RECQL5: variants seen among roughly 807,000 people sequenced by gnomAD.
RECQL5 encodes RecQ like helicase 5.
RECQL5 carries 88 observed loss-of-function variants against 103.4 expected under a neutral mutation model. The observed-to-expected ratio is 0.85, with a 90% CI of 0.72 to 1.02. The LOEUF is 1.02. RECQL5 is among the 50% of genes least tolerant of loss of function. The pLI is 0.00. For missense variants in RECQL5, 1,232 were observed against 1,284.3 expected (o/e 0.96, Z 0.62); for synonymous variants, 552 against 507.9 (o/e 1.09, Z -1.17).
chr17:75,649,727 C>T (rs1024033824), intron 8 of RECQL5: 5 of 985,492 alleles, frequency 5.1e-6, no homozygotes, highest in South Asian at 4.7e-5. Context: ...ATACCAGCAG[C>T]GTTTATTCCA....
intron 3 of RECQL5, among the ~76,000 whole-genome samples, chr17:75,663,815 G>A (rs1599062704): frequency 1.3e-5 from 2 of 152,136 alleles, no homozygotes; most frequent in South Asian, 2.1e-4. Flanking sequence ...AGCGCTTTGA[G>A]AGGCTGAGGC....
intron 8 of RECQL5, chr17:75,647,745 G>A (rs1405660634): frequency 4.8e-6 from 3 of 628,028 alleles, no homozygotes; most frequent in Middle Eastern, 4.4e-4. Flanking sequence ...AGACTAGTAA[G>A]ATGGGGAGGC....
intron 2 of RECQL5, 113 bp downstream of exon 2, chr17:75,666,315 T>G: frequency 4.0e-6 from 5 of 1,240,836 alleles, no homozygotes; most frequent in Non-Finnish European, 5.6e-6. Context: ...GATTTCCAAA[T>G]CCAGTTATGG....
chr17:75,642,055 T>C (rs535333025), intron 8 of RECQL5, among the ~76,000 whole-genome samples: 8 of 152,312 alleles, frequency 5.3e-5, no homozygotes, highest in South Asian at 2.1e-4. Context: ...CCTCTAAACA[T>C]GGGACCAACC....
chr17:75,631,746 T>C, intron 8 of RECQL5, 78 bp from the exon 9 acceptor site: 1 of 1,458,194 alleles, frequency 6.9e-7, no homozygotes, highest in Non-Finnish European at 9.4e-7. Flanking sequence ...CCTGAATCGC[T>C]AGCTGAGCGA....
chr17:75,653,544 G>A (rs2059580579), intron 7 of RECQL5, among the ~76,000 whole-genome samples: 1 of 152,104 alleles, frequency 6.6e-6, no homozygotes, highest in Non-Finnish European at 1.5e-5. Flanking sequence ...GGCCTTTTTT[G>A]TGTACATGTC....
chr17:75,629,541 G>A (rs1001899918), intron 15 of RECQL5, 66 bp from the exon 16 acceptor site: 75 of 1,498,630 alleles, frequency 5.0e-5, no homozygotes, highest in Non-Finnish European at 6.5e-5. Context: ...ACCGCTGGCT[G>A]GAGCAGTAAC....
At chr17:75,647,450 T>C in intron 8 of RECQL5, 2 of 1,550,178 alleles carry the variant, frequency 1.3e-6, no homozygotes, top group Non-Finnish European at 1.7e-6. Flanking sequence ...CAGGGGGGCC[T>C]GGCAGTGATT....
At chr17:75,654,010 CAATACACACA>C (rs1568279290) in intron 7 of RECQL5, among the ~76,000 whole-genome samples, 1 of 152,172 alleles carries the variant, frequency 6.6e-6, no homozygotes, top group Non-Finnish European at 1.5e-5. Context: ...TCATCCCCAC[CAATACACACA>C]AATACACACA....
At chr17:75,633,493 C>T in intron 8 of RECQL5, 1 of 1,289,014 alleles carries the variant, frequency 7.8e-7, no homozygotes, top group Non-Finnish European at 1.0e-6. Context: ...GCCGGGCGCG[C>T]AGGCCACTCC....
chr17:75,631,875 T>C (rs1047209356), intron 8 of RECQL5, among the ~76,000 whole-genome samples: 65 of 152,194 alleles, frequency 4.3e-4, no homozygotes, highest in African/African-American at 1.3e-3. Flanking sequence ...GAACCAACTT[T>C]CCCAAGGTCA....
At chr17:75,641,006 C>G in intron 8 of RECQL5, 1 of 1,477,854 alleles carries the variant, frequency 6.8e-7, no homozygotes. Flanking sequence ...GCTCCCCTGG[C>G]CCCAGCTCTG....
intron 8 of RECQL5, chr17:75,646,620 C>CT (rs1568274130): frequency 1.3e-5 from 2 of 152,274 alleles, no homozygotes; most frequent in African/African-American, 4.8e-5. Flanking sequence ...TGGTCAGGGC[C>CT]GCTTGGCCAC....
At chr17:75,633,185 G>T (rs1598994091) in intron 8 of RECQL5, among the ~76,000 whole-genome samples, 1 of 152,382 alleles carries the variant, frequency 6.6e-6, no homozygotes, top group East Asian at 1.9e-4. Context: ...GCGGCCGCCT[G>T]TCCAGCCTCT....
In RECQL5 at chr17:75,630,776, T is replaced by C; in HGVS notation, c.1644+3A>G. 1 of 1,524,828 alleles carries C rather than the reference T, an allele frequency of 6.6e-7. No homozygotes were observed. The highest frequency in any genetic ancestry group is 8.8e-7 in the Non-Finnish European group (1 of 1,131,510). The allele number at this position is 1,524,828 out of a possible 1,614,324, so 94.5% of individuals were successfully genotyped here. A position where few individuals can be genotyped will look rare whatever the true frequency, so the allele number is the denominator to read the frequency against. On this transcript the variant is annotated splice_donor_region_variant and intron_variant, in intron 12 of 19. Transcript: ENST00000317905. The stretch of plus-strand genomic sequence containing the variant: ...GGTGGCTGAGGAGCTGCCCGTCTCT[T>C]ACCTTCACAGTCAGCCTGGGGATCC...
intron 8 of RECQL5, among the ~76,000 whole-genome samples, chr17:75,643,034 C>T (rs553156581): frequency 2.0e-5 from 3 of 152,352 alleles, no homozygotes; most frequent in East Asian, 1.9e-4. Context: ...AAATAACCTT[C>T]GCAGGACTGG....
Position 75,627,351 on chromosome 17 carries a change from G to C in RECQL5, c.*71C>G, listed in dbSNP as rs1568251137. 3 of 1,134,794 alleles carry C rather than the reference G, an allele frequency of 2.6e-6. No homozygotes were observed. In the Admixed American group the frequency reaches 5.2e-5, roughly 20 times the overall value. The allele number at this position is 1,134,794 out of a possible 1,614,324, so 70.3% of individuals were successfully genotyped here. ...AGAAAAGACGATGGCCCTGGCATCA[G>C]CAGGTGAGGCCCAGGATGACCCATG... On this transcript the variant is annotated 3_prime_UTR_variant, in exon 20 of 20. Transcript: ENST00000317905.
chr17:75,633,576 G>A (rs891473746), intron 8 of RECQL5: 104 of 1,251,436 alleles, frequency 8.3e-5, no homozygotes, highest in African/African-American at 1.5e-5. Flanking sequence ...CCTCCCCAGG[G>A]ACTGGTTGCA....
At chr17:75,660,252 A>G (rs940220564) in intron 6 of RECQL5, among the ~76,000 whole-genome samples, 1 of 152,058 alleles carries the variant, frequency 6.6e-6, no homozygotes, top group Non-Finnish European at 1.5e-5. Flanking sequence ...TATTTTTTGT[A>G]GAGATGGAGG....
Sources: allele counts gnomAD v4.1 joint callset (sites outside exome capture counted in the v4.1 genomes callset), GRCh38; gene constraint gnomAD v4.1.1; transcripts MANE v1.5; gene names NCBI Gene and HGNC (gene_info 2026-07-23, HGNC 2026-07-21).